The following KREMEN1 variants were observed in gnomAD, a reference collection of about 807,000 sequenced individuals.
The protein encoded by KREMEN1 is kremen protein 1.
A neutral mutation model predicts 46.5 loss-of-function variants in KREMEN1; 30 were observed. The observed-to-expected ratio is 0.65, with a 90% CI of 0.48 to 0.88. The LOEUF (loss-of-function observed/expected upper bound fraction) is 0.88, where lower values mean the gene tolerates loss of function less well. KREMEN1 is among the 40% of genes least tolerant of loss of function. KREMEN1 has a pLI of 0.00. For missense variants in KREMEN1, 533 were observed against 596.9 expected, an observed-to-expected ratio of 0.89 and a Z score of 1.11; for synonymous variants, 214 against 230.6, an observed-to-expected ratio of 0.93 and a Z score of 0.65.
chr22:29,085,954 G>A (rs2037721469), intron 1 of KREMEN1, among the ~76,000 whole-genome samples: 1 of 133,726 alleles, frequency 7.5e-6, no homozygotes, highest in Admixed American at 7.5e-5. Context: ...CTGTGTGACA[G>A]AGCAATACCC....
chr22:29,093,730 A>T (rs1039395890), intron 1 of KREMEN1, among the ~76,000 whole-genome samples: 2 of 152,226 alleles, frequency 1.3e-5, no homozygotes, highest in African/African-American at 4.8e-5. Flanking sequence ...AGTCATTCCC[A>T]GATTTGTGTG....
chr22:29,138,808 G>C, intron 7 of KREMEN1, 26 bp downstream of exon 7: 1 of 1,614,206 alleles, frequency 6.2e-7, no homozygotes. Context: ...CGCCACCCAT[G>C]GGGGCTGGAA....
At position 29,114,505 on chromosome 22, in the gene KREMEN1, A is replaced by AAG. The variant is rs1223484032; in HGVS notation, c.353-6851_353-6850dup. Among the ~76,000 whole-genome samples, 196 of 151,378 alleles carry AAG rather than the reference A, an allele frequency of 1.3e-3. 7 individuals carry two copies. The highest frequency in any genetic ancestry group is 4.4e-4 in the Non-Finnish European group (30 of 67,768). On this transcript the variant is annotated intron_variant, in intron 3 of 8. Coordinates refer to ENST00000400335, the MANE Select transcript of KREMEN1 (RefSeq NM_001039570.3). ...CCGTGTCAAAAAAAAAAAAAAAAAAAAGGAGCGGAAGAGAAATCAGAGCTA... is the reference window on the plus strand; with the variant it reads ...CCGTGTCAAAAAAAAAAAAAAAAAAAAGAGGAGCGGAAGAGAAATCAGAGCTA...
intron 5 of KREMEN1, among the ~76,000 whole-genome samples, chr22:29,135,162 C>T (rs566424823): frequency 1.7e-4 from 26 of 152,282 alleles, no homozygotes; most frequent in African/African-American, 5.8e-4. Context: ...TGCTTTGCAT[C>T]GGCTGCAGTA....
intron 3 of KREMEN1, among the ~76,000 whole-genome samples, chr22:29,108,591 C>G (rs1469247218): frequency 6.6e-6 from 1 of 152,224 alleles, no homozygotes; most frequent in Non-Finnish European, 1.5e-5. Flanking sequence ...GGTATGCTCT[C>G]CCCAGGGAAT....
At chr22:29,079,167 A>G (rs1053976106) in intron 1 of KREMEN1, among the ~76,000 whole-genome samples, 2 of 152,222 alleles carry the variant, frequency 1.3e-5, no homozygotes, top group African/African-American at 4.8e-5. Context: ...CATACACCTC[A>G]CAAATAACTA....
rs1168211032 is a variant in KREMEN1 at position 29,160,911 on chromosome 22, TCATA to T, written c.1417-6130_1417-6127del. On this transcript the variant is annotated intron_variant, in intron 9 of 9. Transcript: ENST00000327813. Reference sequence around the variant, plus strand: ...CTTAATGAAATTGAGACACAAAAATTCATACAAAGAATCAGCAAAACCAAAAGTT... The same window carrying T: ...CTTAATGAAATTGAGACACAAAAATTCAAAGAATCAGCAAAACCAAAAGTT... Among the ~76,000 whole-genome samples, 6 of 152,026 alleles carry T rather than the reference TCATA, an allele frequency of 3.9e-5. 1 individual carries two copies. The highest frequency in any genetic ancestry group is 7.4e-5 in the Non-Finnish European group (5 of 68,002).
At chr22:29,153,480 C>T (rs1292656492) in intron 9 of KREMEN1, among the ~76,000 whole-genome samples, 1 of 152,142 alleles carries the variant, frequency 6.6e-6, no homozygotes, top group East Asian at 1.9e-4. Context: ...TCCTGAGTAG[C>T]TGGGACCACA....
In KREMEN1 at chr22:29,144,870, G is replaced by C; in HGVS notation, c.*2758G>C. On this transcript the variant is annotated 3_prime_UTR_variant, in exon 9 of 9. Coordinates refer to ENST00000400335, the MANE Select transcript of KREMEN1 (RefSeq NM_001039570.3). ...GCTGTCACAGCCTGCAGCGGGGGCA[G>C]CACTTCCTCGGAGGGCCTGGGAGGT... 1.4e-5 allele frequency: 14 copies of C among 985,568 alleles called. No homozygotes were observed. The highest frequency in any genetic ancestry group is 1.6e-5 in the Non-Finnish European group (13 of 830,026). 61.1% of individuals were successfully genotyped at this position (985,568 alleles called of 1,614,324 possible). A position where few individuals can be genotyped will look rare whatever the true frequency, so the allele number is the denominator to read the frequency against.
chr22:29,156,623 C>T (rs75762278), intron 9 of KREMEN1, among the ~76,000 whole-genome samples: 3,526 of 152,204 alleles, frequency 0.023, 139 homozygotes, highest in African/African-American at 0.081. Flanking sequence ...GTACTAGGAA[C>T]CCACCCCTAA....
At chr22:29,160,952 A>G (rs1475232843) in intron 9 of KREMEN1, among the ~76,000 whole-genome samples, 1 of 151,768 alleles carries the variant, frequency 6.6e-6, no homozygotes, top group African/African-American at 2.4e-5. Context: ...ATTATTTGAA[A>G]GGATAAACAG....
chr22:29,098,289 C>G (rs2037915407), intron 2 of KREMEN1, among the ~76,000 whole-genome samples: 1 of 151,968 alleles, frequency 6.6e-6, no homozygotes, highest in Non-Finnish European at 1.5e-5. Flanking sequence ...TTTATTTAAC[C>G]AAACCTTTAT....
chr22:29,144,868 C>T lies in KREMEN1; in HGVS notation c.*2756C>T, dbSNP rs2038829503. ...GTGCTGTCACAGCCTGCAGCGGGGG[C>T]AGCACTTCCTCGGAGGGCCTGGGAG... is the stretch of plus-strand genomic sequence containing the variant. On this transcript the variant is annotated 3_prime_UTR_variant, in exon 9 of 9. Coordinates refer to ENST00000400335, the MANE Select transcript of KREMEN1 (RefSeq NM_001039570.3). 3 of 985,428 alleles carry T rather than the reference C, an allele frequency of 3.0e-6. No homozygotes were observed. Among genetic ancestry groups the T allele is most frequent in the Admixed American group, 1.2e-4 (2 of 16,272 alleles). 61.0% of individuals were successfully genotyped at this position (985,428 alleles called of 1,614,324 possible). A position where few individuals can be genotyped will look rare whatever the true frequency, so the allele number is the denominator to read the frequency against.
chr22:29,120,244 A>AGGAAACAGGGAGGAGGGAGAGGTGATGAT (rs1569325815), intron 3 of KREMEN1, among the ~76,000 whole-genome samples: 14 of 22,020 alleles, frequency 6.4e-4, no homozygotes, highest in East Asian at 1.3e-3. Context: ...GAGGTGATGA[A>AGGAAACAGGGAGGAGGGAGAGGTGATGAT]GGAAACAGGG....
intron 5 of KREMEN1, among the ~76,000 whole-genome samples, chr22:29,137,037 T>G (rs1176974146): frequency 6.6e-6 from 1 of 152,160 alleles, no homozygotes; most frequent in Non-Finnish European, 1.5e-5. Flanking sequence ...GCGAGTGAAG[T>G]GCGGCCCCTG....
intron 5 of KREMEN1, among the ~76,000 whole-genome samples, chr22:29,132,142 G>A (rs898555491): frequency 1.3e-5 from 2 of 152,114 alleles, no homozygotes; most frequent in South Asian, 4.2e-4. Context: ...AAAGTGCTGG[G>A]ATTACAGGTG....
At chr22:29,080,348 G>A (rs1024571665) in intron 1 of KREMEN1, among the ~76,000 whole-genome samples, 4 of 152,230 alleles carry the variant, frequency 2.6e-5, no homozygotes, top group African/African-American at 7.2e-5. Context: ...CTTTTCAGCT[G>A]AGAATCACTC....
intron 1 of KREMEN1, among the ~76,000 whole-genome samples, chr22:29,079,078 A>G (rs1375624474): frequency 6.6e-6 from 1 of 152,022 alleles, no homozygotes; most frequent in Non-Finnish European, 1.5e-5. Context: ...CCCTTACCTC[A>G]CCTTCTGAGA....
intron 9 of KREMEN1, among the ~76,000 whole-genome samples, chr22:29,161,333 C>T (rs867566349): frequency 4.0e-5 from 6 of 151,232 alleles, no homozygotes; most frequent in African/African-American, 1.5e-4. Flanking sequence ...TGATGAAACC[C>T]CGTCTGTACT....
Sources: allele counts gnomAD v4.1 joint callset (sites outside exome capture counted in the v4.1 genomes callset), GRCh38; gene constraint gnomAD v4.1.1; transcripts MANE v1.5; gene names NCBI Gene and HGNC (gene_info 2026-07-23, HGNC 2026-07-21).